The following NLGN1 variants were observed in gnomAD, a reference collection of about 807,000 sequenced individuals.
The protein encoded by NLGN1 is neuroligin 1.
In NLGN1, 12 loss-of-function variants were observed where a neutral mutation model predicts 65.5. The ratio of observed to expected loss-of-function variants is 0.18; its 90% CI spans 0.12 to 0.30. The LOEUF is 0.30. Ranked by LOEUF, NLGN1 falls within the 10% of genes least tolerant of loss-of-function variation. The pLI is 1.00. For missense variants in NLGN1, 750 were observed against 1,007.1 expected (o/e 0.74, Z 3.46); for synonymous variants, 350 against 359.5 (o/e 0.97, Z 0.30).
At chr3:173,785,098 C>G (rs58442369) in intron 3 of NLGN1, among the ~76,000 whole-genome samples, 5,049 of 152,226 alleles carry the variant, frequency 0.033, 288 homozygotes, top group African/African-American at 0.12. Context: ...AGTCTGACAA[C>G]AAGAAGAATC....
chr3:173,637,920 C>A (rs1294405641), intron 3 of NLGN1, among the ~76,000 whole-genome samples: 1 of 152,126 alleles, frequency 6.6e-6, no homozygotes, highest in Non-Finnish European at 1.5e-5. Context: ...CCAGAGACGG[C>A]GTTTCATTCC....
chr3:173,512,558 G>A (rs1007998072), intron 2 of NLGN1, among the ~76,000 whole-genome samples: 2 of 152,186 alleles, frequency 1.3e-5, no homozygotes, highest in Non-Finnish European at 2.9e-5. Context: ...ATAGGCACAG[G>A]ATGGGGACAA....
At chr3:173,685,836 T>C (rs1764603554) in intron 3 of NLGN1, 2 of 970,348 alleles carry the variant, frequency 2.1e-6, no homozygotes, top group South Asian at 9.5e-5. Context: ...AGATATCATT[T>C]ACTATTCTTC....
intron 4 of NLGN1, among the ~76,000 whole-genome samples, chr3:173,863,408 G>A (rs1003692267): frequency 1.3e-5 from 2 of 152,036 alleles, no homozygotes; most frequent in African/African-American, 4.8e-5. Context: ...AGAAATCTTT[G>A]CTTACTTTAG....
chr3:173,854,000 C>T (rs1727472111), intron 4 of NLGN1, among the ~76,000 whole-genome samples: 1 of 151,756 alleles, frequency 6.6e-6, no homozygotes, highest in East Asian at 1.9e-4. Context: ...AAATACTATA[C>T]CTTTAACATA....
Position 173,846,469 on chromosome 3 carries a change from C to T in NLGN1, c.646+38637C>T, listed in dbSNP as rs918864344. Among the ~76,000 whole-genome samples, 8 of 152,178 alleles carry T rather than the reference C, an allele frequency of 5.3e-5. No individual in the cohort carries two copies. In the East Asian group the frequency reaches 9.7e-4, roughly 18 times the overall value. On this transcript the variant is annotated intron_variant, in intron 4 of 6. Coordinates refer to ENST00000457714, the Ensembl canonical transcript of NLGN1. The stretch of plus-strand genomic sequence containing the variant: ...TCAGAGTGGGAGAGGTGAGAGAACA[C>T]GTGTGGAGTATGGAATGGACCTAAG...
chr3:173,879,198 C>T (rs1732753934), intron 4 of NLGN1, among the ~76,000 whole-genome samples: 1 of 151,580 alleles, frequency 6.6e-6, no homozygotes, highest in South Asian at 2.1e-4. Flanking sequence ...CACCACTACA[C>T]TCCAGCCTGG....
rs192402235 is a variant in NLGN1 at position 174,148,579 on chromosome 3, T to G, written c.647-126736T>G. ...GCAGCATAACCCAATTTACTAGCAC[T>G]TAATCGTCTCCTCCTAATTAAGTAT... On this transcript the variant is annotated intron_variant, in intron 4 of 6. Coordinates refer to ENST00000457714, the Ensembl canonical transcript of NLGN1. Among the ~76,000 whole-genome samples the G allele has an allele frequency of 4.7e-4, 72 of 152,296 alleles. 1 individual carries two copies. The highest frequency in any genetic ancestry group is 1.4e-3 in the African/African-American group (58 of 41,576).
At chr3:173,486,810 T>A (rs1003187990) in intron 2 of NLGN1, among the ~76,000 whole-genome samples, 4 of 152,304 alleles carry the variant, frequency 2.6e-5, no homozygotes, top group Non-Finnish European at 5.9e-5. Context: ...TATGTATGTT[T>A]CACTAATTTC....
chr3:173,588,228 C>G (rs538059513), intron 2 of NLGN1, among the ~76,000 whole-genome samples: 1 of 152,256 alleles, frequency 6.6e-6, no homozygotes, highest in Admixed American at 6.5e-5. Flanking sequence ...TTTAAAACAT[C>G]ATGAGGTAGC....
chr3:173,894,848 G>T (rs1453786735), intron 4 of NLGN1, among the ~76,000 whole-genome samples: 1 of 150,842 alleles, frequency 6.6e-6, no homozygotes, highest in Non-Finnish European at 1.5e-5. Context: ...TGTTGGCCAG[G>T]CTGGTGTCGA....
intron 4 of NLGN1, among the ~76,000 whole-genome samples, chr3:173,977,092 T>TACACACAC (rs112753620): frequency 2.0e-5 from 3 of 150,090 alleles, no homozygotes; most frequent in Non-Finnish European, 4.5e-5. Flanking sequence ...AGGAAAAAGA[T>TACACACAC]ACACACACAC....
exon 5 of NLGN1, chr3:174,275,467 G>A (rs200061062): frequency 4.3e-6 from 7 of 1,612,564 alleles, no homozygotes; most frequent in Non-Finnish European, 5.9e-6. Flanking sequence ...GGGTTCATGT[G>A]TCAACCTGCT....
At chr3:173,949,084 G>A (rs1256169850) in intron 4 of NLGN1, among the ~76,000 whole-genome samples, 1 of 151,830 alleles carries the variant, frequency 6.6e-6, no homozygotes, top group Non-Finnish European at 1.5e-5. Flanking sequence ...AATAGAAACA[G>A]CTAAACAAGA....
In NLGN1 at chr3:174,234,610, G is replaced by A. The variant is rs373478270; in HGVS notation, c.647-40705G>A. ...TAGTTTTAGGTTTTTTCTATCTATT[G>A]GGAGACTGCCTTTTCTTGGAGCTGG... On this transcript the variant is annotated intron_variant, in intron 4 of 6. Coordinates refer to ENST00000457714, the Ensembl canonical transcript of NLGN1. Among the ~76,000 whole-genome samples, 17 of 152,126 alleles carry A rather than the reference G, an allele frequency of 1.1e-4. 1 individual carries two copies. The East Asian group carries it at 2.5e-3, about 23-fold the overall frequency.
chr3:173,541,653 C>T (rs1212731418), intron 2 of NLGN1, among the ~76,000 whole-genome samples: 2 of 152,080 alleles, frequency 1.3e-5, no homozygotes, highest in Non-Finnish European at 2.9e-5. Context: ...GATTCTTTGC[C>T]TATCTAAAAA....
chr3:173,420,523 T>C (rs1384647621), intron 1 of NLGN1, among the ~76,000 whole-genome samples: 2 of 152,206 alleles, frequency 1.3e-5, no homozygotes, highest in East Asian at 3.9e-4. Context: ...TTGTGAATAG[T>C]GCCGCAATAA....
intron 1 of NLGN1, among the ~76,000 whole-genome samples, chr3:173,406,099 T>C (rs1718596510): frequency 6.6e-6 from 1 of 152,216 alleles, no homozygotes; most frequent in Admixed American, 6.5e-5. Context: ...TCCATACATA[T>C]CTTACTTGTT....
At chr3:174,104,283 T>C (rs1276933911) in intron 4 of NLGN1, among the ~76,000 whole-genome samples, 1 of 152,144 alleles carries the variant, frequency 6.6e-6, no homozygotes, top group Non-Finnish European at 1.5e-5. Context: ...TAAGATATTA[T>C]AATAATATTT....
Sources: allele counts gnomAD v4.1 joint callset (sites outside exome capture counted in the v4.1 genomes callset), GRCh38; gene constraint gnomAD v4.1.1; transcripts MANE v1.5; gene names NCBI Gene and HGNC (gene_info 2026-07-23, HGNC 2026-07-21).